Variants in SPATA20 observed in about 807,000 individuals in gnomAD.
SPATA20 encodes spermatogenesis-associated protein 20.
Under a neutral mutation model 98.9 loss-of-function variants are expected in SPATA20, and 74 were observed. The ratio of observed to expected loss-of-function variants is 0.75; its 90% confidence interval spans 0.62 to 0.91. The LOEUF (loss-of-function observed/expected upper bound fraction) is 0.91. Among genes scored for constraint, SPATA20 ranks in the 40% least tolerant of loss-of-function variants. The pLI is 0.00. For missense variants in SPATA20, 1,016 were observed against 1,069.8 expected (o/e 0.95, Z 0.70); for synonymous variants, 430 against 440.5 (o/e 0.98, Z 0.30).
At position 50,548,602 on chromosome 17, in the gene SPATA20, G is replaced by T. The variant is rs1196041489; in HGVS notation, c.345G>T (p.Lys115Asn). The T allele has an allele frequency of 3.7e-6, 6 of 1,613,424 alleles. No individual in the cohort carries two copies. The highest frequency in any genetic ancestry group is 5.1e-6 in the Non-Finnish European group (6 of 1,179,832). ...TCGACAAGGCCAGGAAGGAAAACAAGCCGATTTTCCTCTCAGGTAATGCTC... is the reference window on the plus strand; with the variant it reads ...TCGACAAGGCCAGGAAGGAAAACAATCCGATTTTCCTCTCAGGTAATGCTC... ...EAFDKARKEN[K>N]PIFLSVGYST... Residue 115 changes from lysine (K) to asparagine (N), a missense_variant, in exon 4 of 17, where the codon AAG (lysine) becomes AAT (asparagine). Coordinates refer to ENST00000006658, the MANE Select transcript of SPATA20 (RefSeq NM_022827.4).
At chr17:50,554,019 G>C (rs2035055011) in intron 14 of SPATA20, among the ~76,000 whole-genome samples, 1 of 152,184 alleles carries the variant, frequency 6.6e-6, no homozygotes, top group African/African-American at 2.4e-5. Context: ...GAGGGAGCCT[G>C]GAGACCAACA....
intron 2 of SPATA20, chr17:50,548,022 A>T: frequency 6.8e-7 from 1 of 1,471,124 alleles, no homozygotes; most frequent in Admixed American, 2.5e-5. Context: ...CTGACCTCAC[A>T]GCCATCCTTC....
Position 50,551,674 on chromosome 17 carries a change from G to A in SPATA20, c.1740G>A (p.Glu580=), listed in dbSNP as rs757129345. 3.1e-6 allele frequency: 5 copies of A among 1,587,750 alleles called. No homozygotes were observed. Among genetic ancestry groups the A allele is most frequent in the South Asian group, 1.1e-5 (1 of 90,460 alleles). ...ACACCGGCCCTGGGGGGACTGTGGA[G>A]CACAGGTTGGGGGCTGGGTAGACCG... ...TCYTGPGGTV[E]HSNPPCWGFL... The change falls in exon 13 of 17, where the codon GAG becomes GAA. Residue 580 remains glutamate, a synonymous_variant. Coordinates refer to ENST00000006658, the MANE Select transcript of SPATA20 (RefSeq NM_022827.4).
intron 2 of SPATA20, 58 bp from the exon 3 acceptor site, chr17:50,548,225 G>A: frequency 1.3e-6 from 2 of 1,584,400 alleles, no homozygotes; most frequent in Non-Finnish European, 1.7e-6. Flanking sequence ...GGTGCTGGGG[G>A]GCCTGGGAGA....
At chr17:50,552,201 A>G (rs769044680) in intron 14 of SPATA20, 21 bp downstream of exon 14, 6 of 1,608,464 alleles carry the variant, frequency 3.7e-6, no homozygotes, top group Middle Eastern at 1.7e-4. Context: ...GTGCAGGGCT[A>G]GTCTGGGGTC....
chr17:50,551,202 C>A lies in SPATA20; in HGVS notation c.1576+12C>A. On this transcript the variant is annotated intron_variant, in intron 12 of 16. Transcript: ENST00000006658. ...GGCTGCCTGGAATGGTGGGGCAGCA[C>A]ACCTGAGACCGAGCCTGTCTGTAGG... 6.2e-7 allele frequency: 1 copy of A among 1,600,306 alleles called. No homozygotes were observed. Among genetic ancestry groups the A allele is most frequent in the Non-Finnish European group, 8.5e-7 (1 of 1,173,032 alleles).
In SPATA20 at chr17:50,551,534, G is replaced by A; in HGVS notation, c.1600G>A (p.Val534Met). Residue 534 changes from valine (V) to methionine (M), a missense_variant, in exon 13 of 17, where the codon GTG (valine) becomes ATG (methionine). Val to Met is a conservative substitution (Grantham distance 21). Transcript: ENST00000006658. ...WNGLMVSGYA[V>M]TGAVLGQDRL... ...AGGCTTGATGGTGTCAGGCTATGCT[G>A]TGACTGGGGCTGTCCTGGGCCAAGA... 1 of 1,597,832 alleles carries A rather than the reference G, an allele frequency of 6.3e-7. No individual in the cohort carries two copies.
rs148842779 is a variant in SPATA20, at chr17:50,555,267, C to A, written c.2193C>A (p.Thr731=). ...GTGGAGACCGTCAGGCCAAGGACAC[C>A]AAGGCCCTGGTGCAGTGCGTCCACT... ...VICGDRQAKD[T]KALVQCVHSV... The change falls in exon 16 of 17, where the codon ACC becomes ACA. Residue 731 remains threonine, a synonymous_variant. Transcript: ENST00000006658. The A allele has an allele frequency of 9.3e-6, 15 of 1,613,884 alleles. No individual in the cohort carries two copies. The African/African-American group carries it at 2.0e-4, about 22-fold the overall frequency.
chr17:50,551,755 C>T, intron 13 of SPATA20, 76 bp downstream of exon 13: 1 of 1,468,842 alleles, frequency 6.8e-7, no homozygotes, highest in Non-Finnish European at 9.2e-7. Context: ...CTTCTCCCCT[C>T]CATGTGGACT....
intron 1 of SPATA20, 173 bp downstream of exon 1, chr17:50,547,458 C>T: frequency 3.2e-6 from 2 of 625,988 alleles, no homozygotes; most frequent in Non-Finnish European, 5.6e-6. Context: ...CTGTAAGGCC[C>T]TCCTCCCCTC....
At chr17:50,555,132 G>A (rs1277746785) in intron 15 of SPATA20, 100 bp from the exon 16 acceptor site, 1 of 905,620 alleles carries the variant, frequency 1.1e-6, no homozygotes, top group South Asian at 1.5e-5. Flanking sequence ...CCTTCTTAGA[G>A]ATATACGGTG....
rs990340844 is a variant in SPATA20, at chr17:50,554,274, G to A, written c.1981G>A (p.Ala661Thr). ...KDDQDGAEPS[A>T]NSVSAHNLLR... ...AGACCAGGATGGAGCAGAGCCCAGC[G>A]CCAATTCCGTGTCAGCCCACAACCT... The change falls in exon 15 of 17, where the codon GCC becomes ACC. Residue 661 changes from alanine to threonine, a missense_variant. Ala to Thr is a moderately conservative substitution (Grantham distance 58, BLOSUM62 0). Transcript: ENST00000006658. The A allele has an allele frequency of 8.4e-5, 135 of 1,613,986 alleles. No individual in the cohort carries two copies. Among genetic ancestry groups the A allele is most frequent in the Non-Finnish European group, 1.1e-4 (131 of 1,180,036 alleles).
Position 50,547,297 on chromosome 17 carries a change from C to A in SPATA20, c.77+12C>A. The A allele has an allele frequency of 7.3e-7, 1 of 1,378,220 alleles. No homozygotes were observed. The highest frequency in any genetic ancestry group is 9.3e-7 in the Non-Finnish European group (1 of 1,073,344). 85.4% of individuals were successfully genotyped at this position (1,378,220 alleles called of 1,614,324 possible). On this transcript the variant is annotated intron_variant, in intron 1 of 16. Coordinates refer to ENST00000006658, the MANE Select transcript of SPATA20 (RefSeq NM_022827.4). ...GCCGCGAGCCGCAGGTACGGGCGGG[C>A]GAGCGGGCCCCTAGGGCACTCCCTG...
At chr17:50,552,839 C>T (rs1394602932) in intron 14 of SPATA20, among the ~76,000 whole-genome samples, 1 of 152,170 alleles carries the variant, frequency 6.6e-6, no homozygotes, top group Non-Finnish European at 1.5e-5. Context: ...CAGGCGAGAG[C>T]CACCATGCCT....
Position 50,548,628 on chromosome 17 carries a change from C to T in SPATA20, c.361+10C>T. The T allele has an allele frequency of 6.2e-7, 1 of 1,612,166 alleles. No homozygotes were observed. Among genetic ancestry groups the T allele is most frequent in the South Asian group, 1.1e-5 (1 of 90,990 alleles). On this transcript the variant is annotated intron_variant, in intron 4 of 16. Coordinates refer to ENST00000006658, the MANE Select transcript of SPATA20 (RefSeq NM_022827.4). ...CCGATTTTCCTCTCAGGTAATGCTC[C>T]CACCTTCCCTGATGTGGGGGTGTGG...
chr17:50,550,445 TC>T, intron 9 of SPATA20, 90 bp from the exon 10 acceptor site: 10 of 1,422,378 alleles, frequency 7.0e-6, no homozygotes, highest in Non-Finnish European at 9.9e-6. Flanking sequence ...CAGGCTTCCC[TC>T]CCCCGCCTGC....
chr17:50,552,164 C>T lies in SPATA20; in HGVS notation c.1941C>T (p.Pro647=), dbSNP rs781058097. ...CSEAELGAGL[P]LRLKDDQDGA... is the part of the protein sequence containing the mutation. The stretch of plus-strand genomic sequence containing the variant: ...AGGCTGAGCTGGGGGCTGGCCTGCC[C>T]CTGCGTCTGAAGGACGGTCAGTGGG... Residue 647 remains proline (P), a synonymous_variant, in exon 14 of 17, where the codon CCC becomes CCT. Coordinates refer to ENST00000006658, the MANE Select transcript of SPATA20 (RefSeq NM_022827.4). 25 of 1,613,608 alleles carry T rather than the reference C, an allele frequency of 1.5e-5. No individual in the cohort carries two copies. Among genetic ancestry groups the T allele is most frequent in the Non-Finnish European group, 1.9e-5 (23 of 1,179,990 alleles).
chr17:50,552,192 T>C lies in SPATA20; in HGVS notation c.1957+12T>C. Reference sequence around the variant, plus strand: ...GCGTCTGAAGGACGGTCAGTGGGGGTGCAGGGCTAGTCTGGGGTCCTGGGA... The same window carrying C: ...GCGTCTGAAGGACGGTCAGTGGGGGCGCAGGGCTAGTCTGGGGTCCTGGGA... On this transcript the variant is annotated intron_variant, in intron 14 of 16. Coordinates refer to ENST00000006658, the MANE Select transcript of SPATA20 (RefSeq NM_022827.4). 6.2e-6 allele frequency: 10 copies of C among 1,612,272 alleles called. No individual in the cohort carries two copies. Among genetic ancestry groups the C allele is most frequent in the Non-Finnish European group, 7.6e-6 (9 of 1,179,298 alleles).
In SPATA20 at chr17:50,548,955, G is replaced by A. The variant is rs375908172; in HGVS notation, c.507G>A (p.Thr169=). 1.9e-5 allele frequency: 30 copies of A among 1,614,040 alleles called. No individual in the cohort carries two copies. In the African/African-American group the frequency reaches 1.9e-4, roughly 10 times the overall value. The change falls in exon 5 of 17, where the codon ACG becomes ACA. Residue 169 remains threonine (T), a synonymous_variant. Transcript: ENST00000006658. ...CTGACGTGGACAAGGTGTACATGAC[G>A]TTCGTGCAGGTGAGCAGCCCTCCTC... ...ERPDVDKVYM[T]FVQATSSGGG... is the part of the protein sequence containing the mutation.
Sources: gnomAD v4.1 joint callset for allele counts (sites outside exome capture counted in the v4.1 genomes callset) on GRCh38, gnomAD v4.1.1 for gene constraint, MANE v1.5 for transcripts, NCBI Gene and HGNC (gene_info 2026-07-23, HGNC 2026-07-21) for gene names.